The following USP46 variants were observed in gnomAD, a reference collection of about 807,000 sequenced individuals.
USP46 encodes ubiquitin carboxyl-terminal hydrolase 46.
USP46 carries 12 observed loss-of-function variants against 44.4 expected under a neutral mutation model. The ratio of observed to expected loss-of-function variants is 0.27; its 90% CI spans 0.17 to 0.44. The LOEUF (loss-of-function observed/expected upper bound fraction) is 0.44, where lower values mean the gene tolerates loss of function less well. Ranked by LOEUF, USP46 falls within the 20% of genes least tolerant of loss-of-function variation. The probability of loss-of-function intolerance (pLI) is 1.00; values close to 1 mark genes in which losing one functional copy is unlikely to be tolerated. For missense variants in USP46, 248 were observed against 444.8 expected, an observed-to-expected ratio of 0.56 and a Z score of 3.98; for synonymous variants, 155 against 161.5, an observed-to-expected ratio of 0.96 and a Z score of 0.31.
intron 1 of USP46, among the ~76,000 whole-genome samples, chr4:52,639,253 A>G (rs1450149107): frequency 6.6e-6 from 1 of 152,222 alleles, no homozygotes; most frequent in East Asian, 1.9e-4. Context: ...TTTTCACAGA[A>G]GTGGAAAAAG....
intron 1 of USP46, among the ~76,000 whole-genome samples, chr4:52,641,807 T>C (rs992980749): frequency 1.3e-5 from 2 of 152,194 alleles, no homozygotes; most frequent in Admixed American, 1.3e-4. Context: ...ATGCAGCCTT[T>C]CTTTCAAGTT....
chr4:52,612,789 T>A (rs1361868455), intron 4 of USP46, among the ~76,000 whole-genome samples: 2 of 152,234 alleles, frequency 1.3e-5, no homozygotes, highest in Admixed American at 6.5e-5. Flanking sequence ...CACCATTGCA[T>A]GAGTTATAAT....
Position 52,595,062 on chromosome 4 carries a change from A to C in USP46, c.*2578T>G, listed in dbSNP as rs980591937. 4.6e-5 allele frequency: 7 copies of C among 152,546 alleles called. No homozygotes were observed. The highest frequency in any genetic ancestry group is 1.7e-4 in the African/African-American group (7 of 41,420). The allele number at this position is 152,546 out of a possible 1,614,324, so 9.4% of individuals were successfully genotyped here. On this transcript the variant is annotated 3_prime_UTR_variant, in exon 9 of 9. Transcript: ENST00000441222. ...TTTTTTTAAAGTGTAAAACATTGTA[A>C]CTTATTTTGTAACACCCAGCAGTTA...
At chr4:52,637,743 C>T (rs373108170) in intron 1 of USP46, among the ~76,000 whole-genome samples, 15 of 152,282 alleles carry the variant, frequency 9.9e-5, no homozygotes, top group Middle Eastern at 6.8e-3. Flanking sequence ...CCACTGTCAA[C>T]GCTGCAAAAA....
chr4:52,609,994 C>T (rs1435527683), intron 5 of USP46, among the ~76,000 whole-genome samples: 2 of 122,420 alleles, frequency 1.6e-5, no homozygotes, highest in African/African-American at 3.1e-5. Context: ...GGCGCGATCT[C>T]GACTCACTGC....
chr4:52,626,126 A>G lies in USP46; in HGVS notation c.453T>C (p.Asn151=). Residue 151 remains asparagine (N), a synonymous_variant, in exon 4 of 9, where the codon AAT becomes AAC. Coordinates refer to ENST00000441222, the MANE Select transcript of USP46 (RefSeq NM_022832.4). ...TTTCCGCAGGTTCGTTCATGTTGCC[A>G]TTTTTTAATTTTCCATTTTGTTTTT... is the stretch of plus-strand genomic sequence containing the variant. ...KQEKQNGKLK[N]GNMNEPAENN... is the part of the protein sequence containing the mutation. The G allele has an allele frequency of 6.2e-7, 1 of 1,613,834 alleles. No homozygotes were observed. The highest frequency in any genetic ancestry group is 8.5e-7 in the Non-Finnish European group (1 of 1,179,834).
intron 1 of USP46, among the ~76,000 whole-genome samples, chr4:52,648,010 C>T (rs1358073138): frequency 1.3e-5 from 2 of 152,214 alleles, no homozygotes; most frequent in African/African-American, 4.8e-5. Flanking sequence ...AAGCACTAGA[C>T]ATCAATCTCT....
intron 4 of USP46, among the ~76,000 whole-genome samples, chr4:52,620,963 G>T (rs891435572): frequency 6.6e-6 from 1 of 152,170 alleles, no homozygotes; most frequent in Non-Finnish European, 1.5e-5. Context: ...AAAGCATCAT[G>T]CAACAACACA....
chr4:52,634,335 C>G (rs950480912), intron 1 of USP46, among the ~76,000 whole-genome samples: 1 of 150,400 alleles, frequency 6.6e-6, no homozygotes, highest in Non-Finnish European at 1.5e-5. Context: ...ATGGTAAAAC[C>G]CTGTCTCTAC....
At position 52,611,251 on chromosome 4, in the gene USP46, C is replaced by G. The variant is rs201157230; in HGVS notation, c.562-634G>C. On this transcript the variant is annotated intron_variant, in intron 4 of 8. Coordinates refer to ENST00000441222, the MANE Select transcript of USP46 (RefSeq NM_022832.4). ...GGCCTGCAGCCTGGGCTCACACAGG[C>G]CCGCCATACCGTGGGCAGCTCTCAG... Among the ~76,000 whole-genome samples the G allele has an allele frequency of 7.2e-5, 11 of 152,360 alleles. No homozygotes were observed. In the East Asian group the frequency reaches 2.1e-3, roughly 29 times the overall value.
intron 4 of USP46, among the ~76,000 whole-genome samples, chr4:52,623,911 TTC>T (rs1436426239): frequency 2.0e-5 from 3 of 151,938 alleles, no homozygotes; most frequent in African/African-American, 7.2e-5. Flanking sequence ...CAGAGCGAGA[TTC>T]TGTTTCAAAA....
At chr4:52,608,346 T>C (rs1489120223) in intron 5 of USP46, among the ~76,000 whole-genome samples, 1 of 152,218 alleles carries the variant, frequency 6.6e-6, no homozygotes, top group African/African-American at 2.4e-5. Context: ...ATATTAAAAA[T>C]CCTCAAGCAA....
At chr4:52,657,609 T>C (rs1421350687) in intron 1 of USP46, among the ~76,000 whole-genome samples, 1 of 152,110 alleles carries the variant, frequency 6.6e-6, no homozygotes, top group Non-Finnish European at 1.5e-5. Context: ...GAACTGGTCG[T>C]AGGAGAGAAA....
intron 4 of USP46, among the ~76,000 whole-genome samples, chr4:52,614,906 C>T (rs1347056907): frequency 1.3e-5 from 2 of 152,040 alleles, no homozygotes; most frequent in African/African-American, 4.8e-5. Flanking sequence ...TATTTATATG[C>T]TTTCTACATT....
rs188118010 is a variant in USP46, at chr4:52,648,773, T to C, written c.36+10342A>G. ...GCAGGGAAACCCAGTTCCTGAAGCA[T>C]ACTGAAACTCTGCATTTAAATAGGA... On this transcript the variant is annotated intron_variant, in intron 1 of 8. Coordinates refer to ENST00000441222, the MANE Select transcript of USP46 (RefSeq NM_022832.4). Among the ~76,000 whole-genome samples, 278 of 152,356 alleles carry C rather than the reference T, an allele frequency of 1.8e-3. 2 individuals are homozygous for C. The highest frequency in any genetic ancestry group is 1.5e-3 in the Non-Finnish European group (104 of 68,026).
chr4:52,618,923 TG>T (rs1461429858), intron 4 of USP46, among the ~76,000 whole-genome samples: 2 of 152,200 alleles, frequency 1.3e-5, no homozygotes, highest in Non-Finnish European at 2.9e-5. Context: ...AACAACCTTT[TG>T]GCTCCAGTAA....
At chr4:52,641,638 G>C (rs1718344843) in intron 1 of USP46, among the ~76,000 whole-genome samples, 1 of 152,120 alleles carries the variant, frequency 6.6e-6, no homozygotes, top group Non-Finnish European at 1.5e-5. Flanking sequence ...TGAGAACACT[G>C]TCAAAATATG....
At chr4:52,646,518 T>C (rs1718555511) in intron 1 of USP46, among the ~76,000 whole-genome samples, 1 of 152,224 alleles carries the variant, frequency 6.6e-6, no homozygotes. Flanking sequence ...ACTAAAAACA[T>C]GGAGATAAAA....
rs1408816536 is a variant in USP46 at position 52,601,863 on chromosome 4, C to T, written c.914G>A (p.Cys305Tyr). Residue 305 changes from cysteine to tyrosine, a missense_variant, in exon 7 of 9, where the codon TGT (cysteine) becomes TAT (tyrosine). Cys to Tyr is a radical substitution (Grantham distance 194, BLOSUM62 -2). Transcript: ENST00000441222. ...MYDLVAVVVH[C>Y]GSGPNRGHYI... ...CTTCCAGTCTTGCCCTTACCTGCCA[C>T]AGTGAACGACCACCGCAACCAAGTC... is the stretch of plus-strand genomic sequence containing the variant. 6.2e-7 allele frequency: 1 copy of T among 1,612,944 alleles called. No individual in the cohort carries two copies. The highest frequency in any genetic ancestry group is 1.7e-5 in the Admixed American group (1 of 59,998).
Sources: allele counts gnomAD v4.1 joint callset (sites outside exome capture counted in the v4.1 genomes callset), GRCh38; gene constraint gnomAD v4.1.1; transcripts MANE v1.5; gene names NCBI Gene and HGNC (gene_info 2026-07-23, HGNC 2026-07-21).